Variants in RASAL2 observed in about 807,000 individuals in gnomAD.
RASAL2 encodes the protein ras GTPase-activating protein nGAP.
RASAL2 carries 58 observed loss-of-function variants against 128.9 expected under a neutral mutation model. That is an observed-to-expected ratio of 0.45 (90% confidence interval 0.36 to 0.56). The LOEUF is 0.56. Among genes scored for constraint, RASAL2 ranks in the 20% least tolerant of loss-of-function variants. RASAL2 has a pLI of 0.00. For missense variants in RASAL2, 1,360 were observed against 1,601.6 expected (o/e 0.85, Z 2.57); for synonymous variants, 561 against 580.8 (o/e 0.97, Z 0.49).
chr1:178,323,302 A>T (rs1381018358), intron 3 of RASAL2, among the ~76,000 whole-genome samples: 1 of 152,190 alleles, frequency 6.6e-6, no homozygotes, highest in African/African-American at 2.4e-5. Flanking sequence ...TGAGTGAGTG[A>T]CTGATTGTTG....
At chr1:178,214,517 T>C (rs1663360314) in intron 1 of RASAL2, among the ~76,000 whole-genome samples, 2 of 151,918 alleles carry the variant, frequency 1.3e-5, no homozygotes, top group Admixed American at 6.6e-5. Flanking sequence ...TGCCATTGGC[T>C]GAAACTCACA....
chr1:178,417,235 T>G (rs1389200215), intron 4 of RASAL2, among the ~76,000 whole-genome samples: 2 of 152,166 alleles, frequency 1.3e-5, no homozygotes, highest in African/African-American at 4.8e-5. Context: ...TTTCTATTGA[T>G]ATATCCTCAT....
chr1:178,474,137 A>G lies in RASAL2; in HGVS notation c.*898A>G, dbSNP rs1648513764. On this transcript the variant is annotated 3_prime_UTR_variant, in exon 18 of 18. Transcript: ENST00000367649. ...TTTCCTCCCCATAGTGGGAGCTGTC[A>G]TCACCAACAGGGTTTACTCTCCCCT... The G allele has an allele frequency of 6.6e-6, 1 of 152,660 alleles. No homozygotes were observed. Among genetic ancestry groups the G allele is most frequent in the African/African-American group, 2.4e-5 (1 of 41,462 alleles). The allele number at this position is 152,660 out of a possible 1,614,324, so 9.5% of individuals were successfully genotyped here.
chr1:178,341,160 T>G (rs542737507), intron 3 of RASAL2, among the ~76,000 whole-genome samples: 2 of 152,202 alleles, frequency 1.3e-5, no homozygotes, highest in Non-Finnish European at 2.9e-5. Context: ...AATAAGAATC[T>G]CTGAACTTAG....
At chr1:178,234,888 A>G (rs1320116068) in intron 1 of RASAL2, among the ~76,000 whole-genome samples, 1 of 152,208 alleles carries the variant, frequency 6.6e-6, no homozygotes, top group Non-Finnish European at 1.5e-5. Context: ...TGCTAATGAG[A>G]TCATTTCAGT....
chr1:178,361,722 T>C (rs1466941547), intron 3 of RASAL2, among the ~76,000 whole-genome samples: 1 of 152,098 alleles, frequency 6.6e-6, no homozygotes, highest in Non-Finnish European at 1.5e-5. Flanking sequence ...GGGTTGGTTT[T>C]GGCATGATTC....
In RASAL2 at chr1:178,366,583, A is replaced by ACC. The variant is rs1170150772; in HGVS notation, c.458-23509_458-23508dup. Reference sequence around the variant, plus strand: ...ATTTTAAAATTACTTGGTACCTCCCACCCCCCCCCGCCAAAAAAAAACACA... The same window carrying ACC: ...ATTTTAAAATTACTTGGTACCTCCCACCCCCCCCCCCGCCAAAAAAAAACACA... On this transcript the variant is annotated intron_variant, in intron 3 of 17. Coordinates refer to ENST00000367649, the MANE Select transcript of RASAL2 (RefSeq NM_170692.4). Among the ~76,000 whole-genome samples, 163 of 37,874 alleles carry ACC rather than the reference A, an allele frequency of 4.3e-3. 1 individual carries two copies. The highest frequency in any genetic ancestry group is 4.7e-3 in the Admixed American group (15 of 3,164). 24.8% of individuals were successfully genotyped at this position (37,874 alleles called of 152,430 possible). A position where few individuals can be genotyped will look rare whatever the true frequency, so the allele number is the denominator to read the frequency against.
intron 5 of RASAL2, among the ~76,000 whole-genome samples, chr1:178,427,171 T>A (rs1159046182): frequency 6.6e-6 from 1 of 152,148 alleles, no homozygotes; most frequent in Admixed American, 6.5e-5. Context: ...TAAAGCCATG[T>A]CATATAGGAG....
chr1:178,110,275 A>T (rs1453161136), intron 1 of RASAL2, among the ~76,000 whole-genome samples: 1 of 151,906 alleles, frequency 6.6e-6, no homozygotes, highest in African/African-American at 2.4e-5. Context: ...AATTTTATGG[A>T]CATTAATCCC....
chr1:178,456,510 C>T lies in RASAL2; in HGVS notation c.2212-211C>T, dbSNP rs1001163600. The T allele has an allele frequency of 1.8e-4, 118 of 654,324 alleles. 1 individual carries two copies. The highest frequency in any genetic ancestry group is 1.7e-3 in the African/African-American group (94 of 55,782). The allele number at this position is 654,324 out of a possible 1,614,324, so 40.5% of individuals were successfully genotyped here. A position where few individuals can be genotyped will look rare whatever the true frequency, so the allele number is the denominator to read the frequency against. On this transcript the variant is annotated intron_variant, in intron 12 of 17. Transcript: ENST00000367649. ...TTTCCTTTCTTTCCTCGATGTCTGC[C>T]GCACCTTGTTTCGCCTCCTCCATTC...
intron 1 of RASAL2, among the ~76,000 whole-genome samples, chr1:178,157,050 T>C (rs1039229276): frequency 5.3e-5 from 8 of 152,314 alleles, no homozygotes; most frequent in Non-Finnish European, 1.2e-4. Flanking sequence ...TGTTTATATC[T>C]AGTGTTAGTA....
chr1:178,473,434 A>G lies in RASAL2; in HGVS notation c.*195A>G, dbSNP rs1322278131. On this transcript the variant is annotated 3_prime_UTR_variant, in exon 18 of 18. Transcript: ENST00000367649. ...CTTCCAAGGTCAATGCTTTTCCCCC[A>G]CATCTCTATGTACATAGGGAACTTA... 7.8e-6 allele frequency: 5 copies of G among 638,030 alleles called. No individual in the cohort carries two copies. In the East Asian group the frequency reaches 1.4e-4, roughly 18 times the overall value. The allele number at this position is 638,030 out of a possible 1,614,324, so 39.5% of individuals were successfully genotyped here. A position where few individuals can be genotyped will look rare whatever the true frequency, so the allele number is the denominator to read the frequency against.
At chr1:178,227,931 G>A (rs908318413) in intron 1 of RASAL2, among the ~76,000 whole-genome samples, 19 of 152,274 alleles carry the variant, frequency 1.2e-4, no homozygotes, top group African/African-American at 4.3e-4. Flanking sequence ...TATACATCCT[G>A]TGAATATTTT....
At chr1:178,149,451 T>G in intron 1 of RASAL2, among the ~76,000 whole-genome samples, 1 of 152,020 alleles carries the variant, frequency 6.6e-6, no homozygotes, top group East Asian at 1.9e-4. Flanking sequence ...AACCTCAAAA[T>G]TTTTGCCAGT....
At chr1:178,460,537 G>A (rs1157841897) in intron 14 of RASAL2, among the ~76,000 whole-genome samples, 1 of 152,184 alleles carries the variant, frequency 6.6e-6, no homozygotes, top group Non-Finnish European at 1.5e-5. Flanking sequence ...GGTAGGAAAT[G>A]CATACAGTCT....
At chr1:178,208,602 C>T (rs773071029) in intron 1 of RASAL2, among the ~76,000 whole-genome samples, 1 of 152,208 alleles carries the variant, frequency 6.6e-6, no homozygotes, top group Non-Finnish European at 1.5e-5. Context: ...ATCAGTAGTT[C>T]TGCTTTTGCC....
At chr1:178,287,245 G>C (rs989991963) in intron 2 of RASAL2, among the ~76,000 whole-genome samples, 3 of 151,526 alleles carry the variant, frequency 2.0e-5, no homozygotes, top group Admixed American at 1.3e-4. Flanking sequence ...ATACCATGCT[G>C]CCTGGTGTTA....
At position 178,439,515 on chromosome 1, in the gene RASAL2, G is replaced by A; in HGVS notation, c.768G>A (p.Gly256=). ...TGGAATGTCTGGATCTTGGTAGAGG[G>A]GAACCTGTATCAGTGAAACCACTTC... is the stretch of plus-strand genomic sequence containing the variant. The part of the protein sequence containing the change: ...STVECLDLGR[G]EPVSVKPLHS... Residue 256 remains glycine, a synonymous_variant, in exon 6 of 18, where the codon GGG becomes GGA. Coordinates refer to ENST00000367649, the MANE Select transcript of RASAL2 (RefSeq NM_170692.4). 11 of 1,612,826 alleles carry A rather than the reference G, an allele frequency of 6.8e-6. No homozygotes were observed. The highest frequency in any genetic ancestry group is 9.3e-6 in the Non-Finnish European group (11 of 1,179,266).
intron 1 of RASAL2, chr1:178,123,059 A>AT (rs1444507427): frequency 6.6e-6 from 1 of 152,206 alleles, no homozygotes; most frequent in Non-Finnish European, 1.5e-5. Flanking sequence ...TTTTCAGATC[A>AT]TCTATCTAAA....
Sources: gnomAD v4.1 joint callset for allele counts (sites outside exome capture counted in the v4.1 genomes callset) on GRCh38, gnomAD v4.1.1 for gene constraint, MANE v1.5 for transcripts, NCBI Gene and HGNC (gene_info 2026-07-23, HGNC 2026-07-21) for gene names.